KAZN: variants seen among roughly 807,000 people sequenced by gnomAD.
KAZN encodes kazrin.
A neutral mutation model predicts 87.4 loss-of-function variants in KAZN; 40 were observed. That is an observed-to-expected ratio of 0.46 (90% CI 0.36 to 0.60). KAZN has a LOEUF of 0.60. KAZN is among the 20% of genes least tolerant of loss of function. KAZN has a pLI of 0.00. For synonymous variants in KAZN, 466 were observed against 458.3 expected (o/e 1.02, Z -0.22); for missense variants, 898 against 1,073.9 (o/e 0.84, Z 2.29).
At chr1:14,598,572 A>C, upstream of KAZN, 1 of 754,202 alleles carries the variant, frequency 1.3e-6, no homozygotes, top group Admixed American at 6.1e-5. The surrounding 1 kb of genome is among the most constrained non-coding windows in gnomAD (Gnocchi z 4.2). Context: ...GTGTCTCCGA[A>C]GTACGGGGGC....
chr1:14,779,200 A>G (rs1003584573), intron 1 of KAZN, among the ~76,000 whole-genome samples: 2 of 152,218 alleles, frequency 1.3e-5, no homozygotes, highest in African/African-American at 4.8e-5. Flanking sequence ...ACCATGTGCC[A>G]TGGAGAATGG....
chr1:15,066,402 A>G lies in KAZN; in HGVS notation c.1222+649A>G, dbSNP rs1639229039. On this transcript the variant is annotated intron_variant, in intron 8 of 14. Transcript: ENST00000376030. This position sits in a 1 kb window ranked among gnomAD's most constrained non-coding sequence, Gnocchi z 4.3. ...CTGGGGGTGCGCCCAAGTCACTTTA[A>G]CCACAAAACGCCATCGTCGTCAGGG... is the stretch of plus-strand genomic sequence containing the variant. 2.0e-6 allele frequency: 2 copies of G among 984,164 alleles called. No homozygotes were observed. Among genetic ancestry groups the G allele is most frequent in the African/African-American group, 3.5e-5 (2 of 56,806 alleles). The allele number at this position is 984,164 out of a possible 1,614,324, so 61.0% of individuals were successfully genotyped here.
intron 2 of KAZN, among the ~76,000 whole-genome samples, chr1:14,471,042 G>T (rs568751330): frequency 3.9e-4 from 60 of 152,212 alleles, no homozygotes; most frequent in Admixed American, 1.1e-3. Flanking sequence ...TCTTTCACAC[G>T]CAGTCTAGCC....
At chr1:15,000,171 A>T (rs1005483222) in intron 2 of KAZN, among the ~76,000 whole-genome samples, 17 of 146,166 alleles carry the variant, frequency 1.2e-4, no homozygotes, top group African/African-American at 4.2e-4. Flanking sequence ...GGTCAGAGTC[A>T]GAGAGATCTG....
chr1:14,591,112 T>C (rs1676168400), intron 2 of KAZN, among the ~76,000 whole-genome samples: 1 of 151,990 alleles, frequency 6.6e-6, no homozygotes, highest in Non-Finnish European at 1.5e-5. Flanking sequence ...CCTATCCTCT[T>C]TAGCTTTGTT....
intron 1 of KAZN, among the ~76,000 whole-genome samples, chr1:14,665,250 G>A (rs927146216): frequency 6.6e-6 from 1 of 151,656 alleles, no homozygotes; most frequent in Non-Finnish European, 1.5e-5. Flanking sequence ...AGACCTCTCT[G>A]TCCTCTTCTA....
chr1:14,480,895 A>G (rs1267223064), intron 2 of KAZN, among the ~76,000 whole-genome samples: 3 of 147,490 alleles, frequency 2.0e-5, no homozygotes, highest in Admixed American at 6.8e-5. Flanking sequence ...ACCCAACCTG[A>G]AAGAAAATAT....
chr1:14,101,119 G>C (rs185951986), intron 1 of KAZN, among the ~76,000 whole-genome samples: 2 of 152,086 alleles, frequency 1.3e-5, no homozygotes, highest in Non-Finnish European at 2.9e-5. Flanking sequence ...AAATGGACTA[G>C]TACACAGTGC....
At chr1:14,218,617 T>A (rs1455413406) in intron 2 of KAZN, among the ~76,000 whole-genome samples, 1 of 152,166 alleles carries the variant, frequency 6.6e-6, no homozygotes, top group Non-Finnish European at 1.5e-5. Context: ...AGGATAATAT[T>A]TTCGGTGAAC....
intron 1 of KAZN, among the ~76,000 whole-genome samples, chr1:14,879,718 G>A (rs12123392): frequency 0.046 from 6,989 of 152,224 alleles, 201 homozygotes; most frequent in South Asian, 0.13. Context: ...TGAAGGCTTC[G>A]AATACAATTT....
At chr1:13,962,199 G>T (rs1023831913) in intron 1 of KAZN, among the ~76,000 whole-genome samples, 13 of 152,168 alleles carry the variant, frequency 8.5e-5, no homozygotes, top group African/African-American at 2.7e-4. Flanking sequence ...GGGGCTCTGG[G>T]CTGGGTACTT....
intron 1 of KAZN, among the ~76,000 whole-genome samples, chr1:13,938,490 C>T (rs1286940178): frequency 1.3e-5 from 2 of 152,128 alleles, no homozygotes; most frequent in African/African-American, 4.8e-5. Flanking sequence ...TTGACTTCCT[C>T]TTTTCCAATT....
chr1:14,505,445 C>T (rs180837439), intron 2 of KAZN, among the ~76,000 whole-genome samples: 57 of 152,224 alleles, frequency 3.7e-4, no homozygotes, highest in Admixed American at 1.3e-3. Context: ...ACTAAAGCAA[C>T]GAAAACCTGA....
At chr1:14,513,977 G>C (rs1385461962) in intron 2 of KAZN, among the ~76,000 whole-genome samples, 1 of 151,706 alleles carries the variant, frequency 6.6e-6, no homozygotes, top group South Asian at 2.1e-4. Context: ...ACCATTTGAA[G>C]TCAGGGACAT....
chr1:14,258,109 C>T (rs1650696707), intron 2 of KAZN, among the ~76,000 whole-genome samples: 1 of 151,522 alleles, frequency 6.6e-6, no homozygotes, highest in South Asian at 2.1e-4. Flanking sequence ...TGAGACCCTT[C>T]ATCACGGTAG....
At chr1:14,422,065 T>C (rs1255096167) in intron 2 of KAZN, among the ~76,000 whole-genome samples, 1 of 152,216 alleles carries the variant, frequency 6.6e-6, no homozygotes, top group African/African-American at 2.4e-5. Flanking sequence ...CTGATGCACA[T>C]TGGTGAAGGT....
At chr1:14,333,535 T>C in intron 2 of KAZN, among the ~76,000 whole-genome samples, 1 of 152,186 alleles carries the variant, frequency 6.6e-6, no homozygotes, top group Middle Eastern at 3.2e-3. Flanking sequence ...GCCACACTAT[T>C]CTAGGTGCTT....
At chr1:14,264,638 T>C (rs751841120) in intron 2 of KAZN, among the ~76,000 whole-genome samples, 2 of 152,212 alleles carry the variant, frequency 1.3e-5, no homozygotes, top group Non-Finnish European at 2.9e-5. Flanking sequence ...AAGATGCTGG[T>C]ACCTTGTTAC....
intron 11 of KAZN, 76 bp downstream of exon 11, chr1:15,101,850 C>T: frequency 1.1e-6 from 1 of 949,496 alleles, no homozygotes; most frequent in Non-Finnish European, 1.6e-6. Context: ...GTCTGTTCAT[C>T]TGTCCACCCA....
Sources: gnomAD v4.1 joint callset for allele counts (sites outside exome capture counted in the v4.1 genomes callset) on GRCh38, gnomAD v4.1.1 for gene constraint, Gnocchi (gnomAD v3.1) non-coding constraint, MANE v1.5 for transcripts, NCBI Gene and HGNC (gene_info 2026-07-23, HGNC 2026-07-21) for gene names.